The following RBFOX1 variants were observed in gnomAD, a reference collection of about 807,000 sequenced individuals.
The protein encoded by RBFOX1 is RNA binding protein fox-1 homolog 1.
RBFOX1 carries 8 observed loss-of-function variants against 57.7 expected under a neutral mutation model. The ratio of observed to expected loss-of-function variants is 0.14; its 90% CI spans 0.08 to 0.25. The LOEUF (loss-of-function observed/expected upper bound fraction) is 0.25, where lower values mean the gene tolerates loss of function less well. Among genes scored for constraint, RBFOX1 ranks in the 10% least tolerant of loss-of-function variants. The probability of loss-of-function intolerance (pLI) is 1.00; values close to 1 mark genes in which losing one functional copy is unlikely to be tolerated. For missense variants in RBFOX1, 611 were observed against 548.5 expected (o/e 1.11, Z -1.14); for synonymous variants, 326 against 222.4 (o/e 1.47, Z -4.15).
intron 3 of RBFOX1, among the ~76,000 whole-genome samples, chr16:6,658,151 A>T (rs2098673845): frequency 6.6e-6 from 1 of 152,094 alleles, no homozygotes. Flanking sequence ...GGGGCCGATT[A>T]TCTTGAGATG....
intron 3 of RBFOX1, among the ~76,000 whole-genome samples, chr16:5,759,430 C>T (rs2053515813): frequency 6.6e-6 from 1 of 152,346 alleles, no homozygotes; most frequent in South Asian, 2.1e-4. Context: ...TGCCTCCTCA[C>T]ATCATGTGTT....
At chr16:6,323,641 G>T (rs904801852) in intron 2 of RBFOX1, among the ~76,000 whole-genome samples, 4 of 152,306 alleles carry the variant, frequency 2.6e-5, no homozygotes, top group Non-Finnish European at 4.4e-5. Context: ...AGGGAGCAAT[G>T]CTTGTGAATT....
intron 4 of RBFOX1, among the ~76,000 whole-genome samples, chr16:7,467,063 A>T (rs1045745862): frequency 6.6e-6 from 1 of 152,224 alleles, no homozygotes; most frequent in African/African-American, 2.4e-5. Context: ...TTTAGCAAAC[A>T]CTGCATATAA....
At chr16:5,380,312 T>A (rs886743606) in intron 1 of RBFOX1, among the ~76,000 whole-genome samples, 1 of 152,156 alleles carries the variant, frequency 6.6e-6, no homozygotes, top group African/African-American at 2.4e-5. Flanking sequence ...ATTCAATCTA[T>A]CATTGTGCCT....
At chr16:5,732,247 A>T (rs766875843) in intron 3 of RBFOX1, among the ~76,000 whole-genome samples, 3 of 152,216 alleles carry the variant, frequency 2.0e-5, no homozygotes, top group Non-Finnish European at 4.4e-5. Context: ...CCTGCCTTGA[A>T]ATTTGTAAAT....
intron 14 of RBFOX1, among the ~76,000 whole-genome samples, chr16:7,693,572 G>A (rs1354456428): frequency 6.6e-6 from 1 of 151,976 alleles, no homozygotes; most frequent in Non-Finnish European, 1.5e-5. Flanking sequence ...TAACTTTGAT[G>A]TTTTATTTCT....
At chr16:5,751,467 T>A (rs2053200663) in intron 3 of RBFOX1, among the ~76,000 whole-genome samples, 1 of 152,256 alleles carries the variant, frequency 6.6e-6, no homozygotes, top group African/African-American at 2.4e-5. Context: ...TGTAGACTTC[T>A]GCTTAAAATC....
intron 4 of RBFOX1, among the ~76,000 whole-genome samples, chr16:7,184,508 C>G (rs1271280022): frequency 2.0e-5 from 3 of 152,216 alleles, no homozygotes; most frequent in Non-Finnish European, 2.9e-5. Context: ...ATTTGCAGCC[C>G]TGTCTCATGG....
At chr16:6,517,988 A>T (rs1328595715) in intron 2 of RBFOX1, among the ~76,000 whole-genome samples, 1 of 152,136 alleles carries the variant, frequency 6.6e-6, no homozygotes. Context: ...CATGAGACCC[A>T]CTGAGTTAAA....
At chr16:5,858,371 G>C (rs2057124379) in intron 3 of RBFOX1, among the ~76,000 whole-genome samples, 1 of 152,160 alleles carries the variant, frequency 6.6e-6, no homozygotes, top group Admixed American at 6.5e-5. Context: ...TGATGGGCTT[G>C]TCACAGCTCA....
chr16:6,628,157 C>T (rs1376608224), intron 2 of RBFOX1, among the ~76,000 whole-genome samples: 9 of 152,298 alleles, frequency 5.9e-5, no homozygotes, highest in Admixed American at 4.6e-4. Context: ...ATGGCGTTAC[C>T]TTCTGCCTCT....
At chr16:6,313,666 T>C (rs946623414) in intron 1 of RBFOX1, among the ~76,000 whole-genome samples, 1 of 152,280 alleles carries the variant, frequency 6.6e-6, no homozygotes, top group Non-Finnish European at 1.5e-5. Context: ...TTTGTTCCAA[T>C]GTCCTCCGAG....
chr16:5,404,114 A>G (rs554163821), intron 1 of RBFOX1, among the ~76,000 whole-genome samples: 31 of 149,742 alleles, frequency 2.1e-4, no homozygotes, highest in Non-Finnish European at 3.4e-4. Flanking sequence ...ATGACAAAGG[A>G]GATGGGGATG....
intron 14 of RBFOX1, chr16:7,693,375 A>C (rs189287690): frequency 1.2e-6 from 2 of 1,602,182 alleles, no homozygotes; most frequent in East Asian, 4.5e-5. Flanking sequence ...CAGGTAACAA[A>C]CGTTGCTACT....
chr16:6,366,642 C>T (rs2089670826), intron 2 of RBFOX1, among the ~76,000 whole-genome samples: 1 of 152,172 alleles, frequency 6.6e-6, no homozygotes, highest in African/African-American at 2.4e-5. Context: ...GGTTCTTCTG[C>T]AGGCACTTTA....
rs570358262 is a variant in RBFOX1, at chr16:6,043,120, G to GAAAAAAAAAAAA, written c.-127+23159_-127+23170dup. On this transcript the variant is annotated intron_variant, in intron 1 of 15. Transcript: ENST00000550418. ...GCGACAGAGCAAGATTGTGTTTCCA[G>GAAAAAAAAAAAA]AAAAAAAAAAAAAAAAAAAAAAAAA... Among the ~76,000 whole-genome samples, 233 of 70,222 alleles carry GAAAAAAAAAAAA rather than the reference G, an allele frequency of 3.3e-3. 15 individuals carry two copies. The highest frequency in any genetic ancestry group is 4.8e-3 in the Non-Finnish European group (184 of 38,230). The allele number at this position is 70,222 out of a possible 152,430, so 46.1% of individuals were successfully genotyped here.
intron 4 of RBFOX1, among the ~76,000 whole-genome samples, chr16:7,306,236 C>A (rs2142272858): frequency 1.3e-5 from 2 of 152,200 alleles, no homozygotes; most frequent in Non-Finnish European, 2.9e-5. Context: ...CATTTGGGCA[C>A]AACTTAGGAG....
At chr16:5,863,063 C>T (rs1192429916) in intron 3 of RBFOX1, among the ~76,000 whole-genome samples, 1 of 152,152 alleles carries the variant, frequency 6.6e-6, no homozygotes, top group Non-Finnish European at 1.5e-5. Flanking sequence ...GGAGTTCGAC[C>T]TGAGTTCAGA....
chr16:7,584,236 T>C (rs759211373), intron 6 of RBFOX1, among the ~76,000 whole-genome samples: 6 of 152,206 alleles, frequency 3.9e-5, no homozygotes, highest in Non-Finnish European at 8.8e-5. Flanking sequence ...TCTGAGAACA[T>C]CTAAAAATGC....
Sources: gnomAD v4.1 joint callset for allele counts (sites outside exome capture counted in the v4.1 genomes callset) on GRCh38, gnomAD v4.1.1 for gene constraint, MANE v1.5 for transcripts, NCBI Gene and HGNC (gene_info 2026-07-23, HGNC 2026-07-21) for gene names.